The following EPHA5 variants were observed in gnomAD, a reference collection of about 807,000 sequenced individuals.
EPHA5 encodes the protein EPH receptor A5, also known as ephrin type-A receptor 5.
Under a neutral mutation model 105.0 loss-of-function variants are expected in EPHA5, and 60 were observed. That is an observed-to-expected ratio of 0.57 (90% CI 0.46 to 0.71). The LOEUF (loss-of-function observed/expected upper bound fraction) is 0.71. Ranked by LOEUF, EPHA5 falls within the 30% of genes least tolerant of loss-of-function variation. The pLI is 0.00. For synonymous variants in EPHA5, 513 were observed against 449.1 expected, an observed-to-expected ratio of 1.14 and a Z score of -1.80; for missense variants, 1,218 against 1,274.7, an observed-to-expected ratio of 0.96 and a Z score of 0.68.
chr4:65,333,516 C>T (rs7687268), intron 15 of EPHA5, among the ~76,000 whole-genome samples: 86,214 of 145,186 alleles, frequency 0.59, 26,999 homozygotes, highest in South Asian at 0.72. Context: ...CAATTGTGTG[C>T]GTGTGCGTGT....
At chr4:65,635,774 A>G (rs1442631990) in intron 2 of EPHA5, among the ~76,000 whole-genome samples, 2 of 152,190 alleles carry the variant, frequency 1.3e-5, no homozygotes, top group African/African-American at 4.8e-5. Flanking sequence ...TAATCAATAC[A>G]AAATGTTCCA....
chr4:65,382,469 A>G (rs1465113994), intron 8 of EPHA5, among the ~76,000 whole-genome samples: 1 of 151,884 alleles, frequency 6.6e-6, no homozygotes, highest in Non-Finnish European at 1.5e-5. Context: ...ATTCCAATAT[A>G]TATTTGAACT....
At chr4:65,605,179 C>A (rs971441206) in intron 2 of EPHA5, among the ~76,000 whole-genome samples, 1 of 152,110 alleles carries the variant, frequency 6.6e-6, no homozygotes, top group Non-Finnish European at 1.5e-5. Context: ...ACTCCTTTTC[C>A]CTCAGGGCTC....
At chr4:65,500,558 T>A (rs1560612805) in intron 3 of EPHA5, among the ~76,000 whole-genome samples, 1 of 149,516 alleles carries the variant, frequency 6.7e-6, no homozygotes, top group African/African-American at 2.5e-5. Flanking sequence ...AAAAAAAAAA[T>A]TAAACTGACA....
At chr4:65,442,110 T>A (rs1400280585) in intron 5 of EPHA5, among the ~76,000 whole-genome samples, 1 of 152,008 alleles carries the variant, frequency 6.6e-6, no homozygotes, top group Non-Finnish European at 1.5e-5. Flanking sequence ...GGTTATGACC[T>A]GAATATTTGT....
rs71205383 is a variant in EPHA5, at chr4:65,554,981, C to CA, written c.910+46659dup. On this transcript the variant is annotated intron_variant, in intron 3 of 16. Transcript: ENST00000613740. ...TTATCACTTCACCCCTATACAACAG[C>CA]AAAAAAAAAAAAAAAAAAAAAAAAA... 2.0e-3 allele frequency among the ~76,000 whole-genome samples: 181 copies of CA among 92,506 alleles called. 15 individuals are homozygous for CA. Among genetic ancestry groups the CA allele is most frequent in the East Asian group, 4.0e-3 (10 of 2,522 alleles). The allele number at this position is 92,506 out of a possible 152,430, so 60.7% of individuals were successfully genotyped here. A position where few individuals can be genotyped will look rare whatever the true frequency, so the allele number is the denominator to read the frequency against.
chr4:65,518,476 A>C (rs1578314497), intron 3 of EPHA5, among the ~76,000 whole-genome samples: 1 of 151,908 alleles, frequency 6.6e-6, no homozygotes, highest in African/African-American at 2.4e-5. Context: ...TCCTGTTTCA[A>C]ATTTAGTACT....
chr4:65,420,402 A>AG (rs1247675434), intron 6 of EPHA5, 39 bp downstream of exon 6: 8 of 1,525,244 alleles, frequency 5.2e-6, no homozygotes, highest in South Asian at 5.0e-5. Flanking sequence ...AATGAAAAAA[A>AG]AAAGAAAGTG....
At chr4:65,543,165 A>G (rs995125193) in intron 3 of EPHA5, among the ~76,000 whole-genome samples, 5 of 152,056 alleles carry the variant, frequency 3.3e-5, no homozygotes, top group Admixed American at 6.6e-5. Context: ...CTAACACAAG[A>G]CAAGGATGCC....
At chr4:65,428,028 A>G (rs1255094691) in intron 5 of EPHA5, among the ~76,000 whole-genome samples, 3 of 152,116 alleles carry the variant, frequency 2.0e-5, no homozygotes, top group Non-Finnish European at 4.4e-5. Flanking sequence ...CACACATCAC[A>G]TAGACATACA....
intron 5 of EPHA5, among the ~76,000 whole-genome samples, chr4:65,423,102 C>T (rs1026824686): frequency 6.6e-6 from 1 of 151,964 alleles, no homozygotes. Context: ...ATTTGATGAC[C>T]TTGACACTTT....
intron 13 of EPHA5, among the ~76,000 whole-genome samples, chr4:65,350,866 A>AGCT (rs1722746046): frequency 6.6e-6 from 1 of 152,052 alleles, no homozygotes; most frequent in South Asian, 2.1e-4. Context: ...TTGAAGGAAT[A>AGCT]GCTCTTTTTT....
chr4:65,635,117 T>C (rs771723395), intron 2 of EPHA5, among the ~76,000 whole-genome samples: 1 of 150,858 alleles, frequency 6.6e-6, no homozygotes, highest in Admixed American at 6.7e-5. Flanking sequence ...AAAACCTGAG[T>C]TATTTCCAGC....
At chr4:65,364,251 G>T (rs1387257274) in intron 11 of EPHA5, among the ~76,000 whole-genome samples, 3 of 151,736 alleles carry the variant, frequency 2.0e-5, no homozygotes, top group African/African-American at 7.2e-5. Flanking sequence ...GGTAACTTAT[G>T]TGTGTGGTGT....
chr4:65,480,435 A>G (rs1223838865), intron 5 of EPHA5, among the ~76,000 whole-genome samples: 1 of 152,176 alleles, frequency 6.6e-6, no homozygotes, highest in African/African-American at 2.4e-5. Context: ...AGATATACCA[A>G]ACCAACGGGC....
chr4:65,600,599 AAC>A (rs1376954941), intron 3 of EPHA5, among the ~76,000 whole-genome samples: 2 of 152,166 alleles, frequency 1.3e-5, no homozygotes, highest in African/African-American at 4.8e-5. Flanking sequence ...TGATTCATGT[AAC>A]AGAGTGGACT....
At chr4:65,595,828 C>T (rs540030239) in intron 3 of EPHA5, among the ~76,000 whole-genome samples, 5 of 152,204 alleles carry the variant, frequency 3.3e-5, no homozygotes, top group African/African-American at 9.6e-5. Context: ...GATCCACCTG[C>T]CTTGGCCTCC....
intron 5 of EPHA5, among the ~76,000 whole-genome samples, chr4:65,476,127 AGTGTGT>A (rs58933650): frequency 1.7e-5 from 2 of 119,106 alleles, no homozygotes; most frequent in Admixed American, 8.7e-5. Flanking sequence ...AGAGAGAGAG[AGTGTGT>A]GTGTGTGTGT....
At chr4:65,404,882 C>T (rs1297415473) in intron 7 of EPHA5, among the ~76,000 whole-genome samples, 1 of 152,016 alleles carries the variant, frequency 6.6e-6, no homozygotes, top group South Asian at 2.1e-4. Context: ...CTGCTGTTCT[C>T]TAGAAAAGAA....
Sources: gnomAD v4.1 joint callset for allele counts (sites outside exome capture counted in the v4.1 genomes callset) on GRCh38, gnomAD v4.1.1 for gene constraint, MANE v1.5 for transcripts, NCBI Gene and HGNC (gene_info 2026-07-23, HGNC 2026-07-21) for gene names.